The following PCCA variants were observed in gnomAD, a reference collection of about 807,000 sequenced individuals.
PCCA encodes the protein propionyl-CoA carboxylase subunit alpha.
PCCA carries 74 observed loss-of-function variants against 101.3 expected under a neutral mutation model. That is an observed-to-expected ratio of 0.73 (90% CI 0.61 to 0.89). The LOEUF (loss-of-function observed/expected upper bound fraction) is 0.89. Among genes scored for constraint, PCCA ranks in the 40% least tolerant of loss-of-function variants. PCCA has a pLI of 0.00. For synonymous variants in PCCA, 294 were observed against 313.6 expected (o/e 0.94, Z 0.66); for missense variants, 891 against 907.0 (o/e 0.98, Z 0.23).
chr13:100,121,361 T>A (rs1327224676), intron 4 of PCCA, among the ~76,000 whole-genome samples: 1 of 151,926 alleles, frequency 6.6e-6, no homozygotes, highest in Non-Finnish European at 1.5e-5. Context: ...GGTTTCACCA[T>A]GTTGGCCAGG....
intron 7 of PCCA, among the ~76,000 whole-genome samples, chr13:100,215,501 C>T (rs376068283): frequency 6.6e-6 from 1 of 152,246 alleles, no homozygotes; most frequent in South Asian, 2.1e-4. Flanking sequence ...GTCTTCATAT[C>T]TACAAGGGAT....
chr13:100,281,426 A>G (rs2064109977), intron 12 of PCCA, among the ~76,000 whole-genome samples: 1 of 152,238 alleles, frequency 6.6e-6, no homozygotes, highest in African/African-American at 2.4e-5. Flanking sequence ...GTTCTAATTG[A>G]CAGCAATCAT....
intron 21 of PCCA, among the ~76,000 whole-genome samples, chr13:100,486,278 C>T (rs2152974908): frequency 6.6e-6 from 1 of 152,308 alleles, no homozygotes; most frequent in South Asian, 2.1e-4. Context: ...GCTTACATAA[C>T]ACTGTAAATA....
At chr13:100,366,264 C>T (rs7997732) in intron 18 of PCCA, among the ~76,000 whole-genome samples, 4,584 of 152,164 alleles carry the variant, frequency 0.03, 227 homozygotes, top group African/African-American at 0.11. Flanking sequence ...AGATGATAGG[C>T]GTAGTCCAGG....
intron 8 of PCCA, among the ~76,000 whole-genome samples, chr13:100,238,954 TAA>T (rs2060968056): frequency 6.6e-6 from 1 of 152,192 alleles, no homozygotes; most frequent in Non-Finnish European, 1.5e-5. Flanking sequence ...AGTTCTCTCT[TAA>T]TTCTTTCTGT....
At chr13:100,161,685 A>G (rs1311143318) in intron 6 of PCCA, 1 of 152,154 alleles carries the variant, frequency 6.6e-6, no homozygotes, top group African/African-American at 2.4e-5. Context: ...GTAGGAAAAA[A>G]TAGGAGAGAC....
intron 8 of PCCA, among the ~76,000 whole-genome samples, chr13:100,248,234 T>C (rs1383093220): frequency 6.6e-6 from 1 of 152,142 alleles, no homozygotes; most frequent in African/African-American, 2.4e-5. Context: ...TAATCTACTT[T>C]TTGGGGGTTT....
intron 18 of PCCA, among the ~76,000 whole-genome samples, chr13:100,368,056 A>G (rs2075325253): frequency 6.6e-6 from 1 of 152,210 alleles, no homozygotes; most frequent in African/African-American, 2.4e-5. Context: ...TATAAGTAGA[A>G]TAATGTAGAG....
intron 8 of PCCA, among the ~76,000 whole-genome samples, chr13:100,247,806 A>G (rs932407683): frequency 2.0e-5 from 3 of 152,218 alleles, no homozygotes; most frequent in South Asian, 2.1e-4. Context: ...ATGAGTCACC[A>G]CATCCAGCCT....
At chr13:100,479,006 A>C (rs1398763116) in intron 21 of PCCA, among the ~76,000 whole-genome samples, 2 of 152,274 alleles carry the variant, frequency 1.3e-5, no homozygotes, top group African/African-American at 4.8e-5. Flanking sequence ...AGGGACAGCC[A>C]CAGTTTCTGG....
intron 6 of PCCA, among the ~76,000 whole-genome samples, chr13:100,169,309 C>T (rs1208842603): frequency 4.0e-5 from 6 of 151,548 alleles, no homozygotes; most frequent in African/African-American, 1.2e-4. Context: ...AGGTTGGTGG[C>T]GGGTGCCTGT....
intron 8 of PCCA, among the ~76,000 whole-genome samples, chr13:100,257,098 A>G (rs2062126979): frequency 6.6e-6 from 1 of 152,272 alleles, no homozygotes; most frequent in African/African-American, 2.4e-5. Flanking sequence ...ATTTTCCCCA[A>G]TACCATCATG....
intron 19 of PCCA, among the ~76,000 whole-genome samples, chr13:100,376,597 G>C (rs1167434202): frequency 6.6e-6 from 1 of 152,182 alleles, no homozygotes; most frequent in Non-Finnish European, 1.5e-5. Flanking sequence ...GCTTTACCAA[G>C]CTGCCATGGC....
chr13:100,200,765 A>G (rs1482414604), intron 6 of PCCA, among the ~76,000 whole-genome samples: 1 of 151,612 alleles, frequency 6.6e-6, no homozygotes, highest in Non-Finnish European at 1.5e-5. Context: ...ATCATACTGT[A>G]TTAATAAAAT....
At chr13:100,379,404 A>G (rs1270560788) in intron 19 of PCCA, among the ~76,000 whole-genome samples, 1 of 152,190 alleles carries the variant, frequency 6.6e-6, no homozygotes, top group Non-Finnish European at 1.5e-5. Context: ...AGGTGAGTAA[A>G]TTTAACAAAA....
chr13:100,164,768 A>T (rs1456182640), intron 6 of PCCA, among the ~76,000 whole-genome samples: 2 of 152,148 alleles, frequency 1.3e-5, no homozygotes, highest in African/African-American at 4.8e-5. Context: ...TTTATTCACA[A>T]TGTTTTGCAA....
At chr13:100,436,137 C>G (rs778350104) in intron 20 of PCCA, among the ~76,000 whole-genome samples, 2 of 152,092 alleles carry the variant, frequency 1.3e-5, no homozygotes, top group Non-Finnish European at 2.9e-5. Flanking sequence ...GCCCGGATAC[C>G]GAATCTTCTT....
chr13:100,472,264 C>A (rs781001153), intron 21 of PCCA, among the ~76,000 whole-genome samples: 71 of 152,174 alleles, frequency 4.7e-4, no homozygotes, highest in Non-Finnish European at 7.9e-4. Flanking sequence ...TGGGCAAGGT[C>A]CCTGGGCACG....
intron 18 of PCCA, among the ~76,000 whole-genome samples, chr13:100,362,886 T>C (rs1276827141): frequency 1.3e-5 from 2 of 152,176 alleles, no homozygotes; most frequent in Non-Finnish European, 2.9e-5. Flanking sequence ...ATTCTAATCC[T>C]CCTCTATGCC....
Sources: gnomAD v4.1 joint callset for allele counts (sites outside exome capture counted in the v4.1 genomes callset) on GRCh38, gnomAD v4.1.1 for gene constraint, MANE v1.5 for transcripts, NCBI Gene and HGNC (gene_info 2026-07-23, HGNC 2026-07-21) for gene names.